Variants in DIDO1 observed in about 807,000 individuals in gnomAD.
DIDO1 encodes death-inducer obliterator 1.
In DIDO1, 16 loss-of-function variants were observed where a neutral mutation model predicts 99.4. The observed-to-expected ratio is 0.16, with a 90% CI of 0.11 to 0.24. DIDO1 has a LOEUF of 0.24. DIDO1 is among the 10% of genes least tolerant of loss of function. The pLI is 1.00. For missense variants in DIDO1, 2,996 were observed against 3,014.0 expected (o/e 0.99, Z 0.14); for synonymous variants, 1,366 against 1,239.1 (o/e 1.10, Z -2.15).
At position 62,879,504 on chromosome 20, in the gene DIDO1, C is replaced by A. The variant is rs747670985; in HGVS notation, c.6452G>T (p.Arg2151Leu). The change falls in exon 16 of 16, where the codon CGG becomes CTG. Residue 2151 changes from arginine (R) to leucine (L), a missense_variant. Around this residue, in one of 5 missense-constraint regions of DIDO1, gnomAD observed 1,562 missense variants for 1,412.6 expected, o/e 1.11. Transcript: ENST00000395343. This position sits in a 1 kb window ranked among gnomAD's most constrained non-coding sequence, Gnocchi z 6.3. The stretch of plus-strand genomic sequence containing the variant: ...TCGGTCGCGGTTGGCGCTCCTCTCC[C>A]GGTTTCTGTCCCAGTCCCGGCTGGA... ...KDSSRDWDRNRERSANRDRER... is the reference protein window; with the variant it reads ...KDSSRDWDRNLERSANRDRER... The A allele has an allele frequency of 6.3e-7, 1 of 1,597,178 alleles. No individual in the cohort carries two copies. Among genetic ancestry groups the A allele is most frequent in the Non-Finnish European group, 8.5e-7 (1 of 1,178,286 alleles).
intron 13 of DIDO1, 147 bp downstream of exon 13, chr20:62,892,662 T>C: frequency 8.6e-7 from 1 of 1,160,162 alleles, no homozygotes; most frequent in East Asian, 2.6e-5. Flanking sequence ...GAGCCGTTTC[T>C]GCATCCAGAC....
Position 62,880,245 on chromosome 20 carries a change from C to T in DIDO1, c.5711G>A (p.Arg1904Gln), listed in dbSNP as rs1238641170. Residue 1904 changes from arginine (R) to glutamine (Q), a missense_variant, in exon 16 of 16, where the codon CGA (arginine) becomes CAA (glutamine). Arg to Gln is a conservative substitution (Grantham distance 43). This residue lies in a region of DIDO1 where 1,562 missense variants were observed against 1,412.6 expected (regional missense o/e 1.11). Coordinates refer to ENST00000395343, the MANE Select transcript of DIDO1 (RefSeq NM_001193369.2). ...AAACTGAGAGGGAGGGGGGCCGCCT[C>T]GGGGGCCTTTCAGCTGAGACAGCAG... ...RPLLSQLKGP[R>Q]GGPPPSQFGG... The T allele has an allele frequency of 6.2e-6, 10 of 1,612,408 alleles. No homozygotes were observed. The highest frequency in any genetic ancestry group is 7.6e-6 in the Non-Finnish European group (9 of 1,179,902).
At chr20:62,887,145 G>A (rs901063071) in intron 15 of DIDO1, 3 of 985,514 alleles carry the variant, frequency 3.0e-6, no homozygotes, top group Non-Finnish European at 3.6e-6. Context: ...CTTATGGAAA[G>A]CAAACAGGGG....
At chr20:62,931,770 T>C (rs564136076) in intron 1 of DIDO1, among the ~76,000 whole-genome samples, 3 of 152,260 alleles carry the variant, frequency 2.0e-5, no homozygotes, top group Non-Finnish European at 4.4e-5. Flanking sequence ...CTTGGGAGTA[T>C]GGGACCTTAG....
Position 62,881,956 on chromosome 20 carries a change from C to G in DIDO1, c.4000G>C (p.Glu1334Gln), listed in dbSNP as rs1020283850. Residue 1334 changes from glutamate (E) to glutamine (Q), a missense_variant, in exon 16 of 16, where the codon GAG (glutamate) becomes CAG (glutamine). Transcript: ENST00000395343. This position sits in a 1 kb window ranked among gnomAD's most constrained non-coding sequence, Gnocchi z 8.3. ...AGACCTGCGGTGGACCCGGGAGGCT[C>G]TCTGGCGGACGGGTCGAATGATTTC... ...KKKSFDPSAR[E>Q]PPGSTAGLPQ... The G allele has an allele frequency of 4.8e-5, 77 of 1,613,292 alleles. No homozygotes were observed. Among genetic ancestry groups the G allele is most frequent in the Non-Finnish European group, 6.1e-5 (72 of 1,180,036 alleles).
At chr20:62,887,281 C>A (rs918767638) in intron 15 of DIDO1, 21 of 985,342 alleles carry the variant, frequency 2.1e-5, no homozygotes, top group Non-Finnish European at 2.0e-5. Context: ...CTGTATTTGA[C>A]TCTGATTACA....
At chr20:62,906,547 GC>G (rs2064809067) in intron 5 of DIDO1, among the ~76,000 whole-genome samples, 1 of 152,218 alleles carries the variant, frequency 6.6e-6, no homozygotes, top group Non-Finnish European at 1.5e-5. Context: ...TCATTCAAAG[GC>G]TAAATAATCA....
intron 13 of DIDO1, 71 bp from the exon 14 acceptor site, chr20:62,892,147 G>A (rs2147391820): frequency 1.5e-6 from 2 of 1,294,834 alleles, no homozygotes; most frequent in South Asian, 1.3e-5. Flanking sequence ...GCAGCCATGT[G>A]AAGGCACACA....
At chr20:62,920,018 A>T (rs1427706560) in intron 1 of DIDO1, among the ~76,000 whole-genome samples, 2 of 152,242 alleles carry the variant, frequency 1.3e-5, no homozygotes, top group African/African-American at 2.4e-5. Flanking sequence ...AGTAAAAAAG[A>T]AAGTATGGTT....
intron 6 of DIDO1, among the ~76,000 whole-genome samples, chr20:62,897,619 G>A (rs563327644): frequency 3.9e-5 from 6 of 152,182 alleles, no homozygotes; most frequent in African/African-American, 7.2e-5. Context: ...ACAGGAATGC[G>A]TCCATTCACA....
At chr20:62,917,932 C>T (rs1315497377) in intron 1 of DIDO1, among the ~76,000 whole-genome samples, 5 of 152,194 alleles carry the variant, frequency 3.3e-5, no homozygotes, top group African/African-American at 1.2e-4. Context: ...ACTTCCCCCT[C>T]AGGAGTCCAT....
Position 62,902,711 on chromosome 20 carries a change from G to C in DIDO1, c.1588+3176C>G, listed in dbSNP as rs189173779. Among the ~76,000 whole-genome samples the C allele has an allele frequency of 5.6e-4, 85 of 152,300 alleles. 1 individual carries two copies. In the East Asian group the frequency reaches 0.013, roughly 24 times the overall value. ...AGGGCCATCTCTGTGGCAGCACGTGGGAACAAGAGGCAGTGCTTCCACCTG... is the reference window on the plus strand; with the variant it reads ...AGGGCCATCTCTGTGGCAGCACGTGCGAACAAGAGGCAGTGCTTCCACCTG... On this transcript the variant is annotated intron_variant, in intron 6 of 15. Coordinates refer to ENST00000395343, the MANE Select transcript of DIDO1 (RefSeq NM_001193369.2).
At chr20:62,904,807 A>AAAAAAAAAAAAAAAAAAT (rs1568859998) in intron 6 of DIDO1, among the ~76,000 whole-genome samples, 1 of 141,704 alleles carries the variant, frequency 7.1e-6, no homozygotes, top group South Asian at 2.3e-4. Flanking sequence ...AAAAAAAAAA[A>AAAAAAAAAAAAAAAAAAT]GTGTCTTTTT....
chr20:62,885,909 A>T (rs2064289691), intron 15 of DIDO1, among the ~76,000 whole-genome samples: 1 of 152,184 alleles, frequency 6.6e-6, no homozygotes, highest in South Asian at 2.1e-4. Context: ...CAGACCAGTA[A>T]GGTCGAAAGG....
intron 15 of DIDO1, chr20:62,887,942 G>T: frequency 1.2e-5 from 12 of 985,484 alleles, no homozygotes; most frequent in Non-Finnish European, 1.4e-5. Flanking sequence ...AAGACAACCC[G>T]GTGTTTCTGT....
chr20:62,879,872 C>A lies in DIDO1; in HGVS notation c.6084G>T (p.Glu2028Asp). The change falls in exon 16 of 16, where the codon GAG becomes GAT. Residue 2028 changes from glutamate (E) to aspartate (D), a missense_variant. Transcript: ENST00000395343. This position sits in a 1 kb window ranked among gnomAD's most constrained non-coding sequence, Gnocchi z 6.3. The part of the protein sequence containing the change: ...VMKPGPRPLL[E>D]LPSHPPQHRK... ...GGTGCTGCGGGGGGTGGCTGGGAAGCTCCAGCAGGGGCCTGGGGCCCGGCT... is the reference window on the plus strand; with the variant it reads ...GGTGCTGCGGGGGGTGGCTGGGAAGATCCAGCAGGGGCCTGGGGCCCGGCT... The A allele has an allele frequency of 6.3e-7, 1 of 1,592,094 alleles. No homozygotes were observed. The highest frequency in any genetic ancestry group is 8.5e-7 in the Non-Finnish European group (1 of 1,170,742).
chr20:62,900,319 A>G (rs970263132), intron 6 of DIDO1, among the ~76,000 whole-genome samples: 5 of 152,238 alleles, frequency 3.3e-5, no homozygotes, highest in African/African-American at 7.2e-5. Context: ...CCAACTGCAG[A>G]ATGAAGCAGG....
At chr20:62,904,377 T>C (rs919525611) in intron 6 of DIDO1, among the ~76,000 whole-genome samples, 24 of 152,186 alleles carry the variant, frequency 1.6e-4, no homozygotes, top group Non-Finnish European at 2.2e-4. Flanking sequence ...AATGCAGCAA[T>C]TGCATGATTC....
rs538195331 is a variant in DIDO1, at chr20:62,911,592, C to T, written c.21G>A (p.Pro7=). Residue 7 remains proline (P), a synonymous_variant, in exon 3 of 16, where the codon CCG becomes CCA. Transcript: ENST00000395343. The surrounding 1 kb of genome is among the most constrained non-coding windows in gnomAD (Gnocchi z 7.0). Reference sequence around the variant, plus strand: ...TGGCCTTAGGTGCCTCCTCATTGCTCGGGTCGCCTTTGTCGTCCATACCTA... The same window carrying T: ...TGGCCTTAGGTGCCTCCTCATTGCTTGGGTCGCCTTTGTCGTCCATACCTA... The part of the protein sequence containing the change: MDDKGD[P]SNEEAPKAIK... The T allele has an allele frequency of 7.6e-6, 12 of 1,587,316 alleles. No homozygotes were observed. Among genetic ancestry groups the T allele is most frequent in the South Asian group, 3.4e-5 (3 of 87,204 alleles).
Sources: gnomAD v4.1 joint callset for allele counts (sites outside exome capture counted in the v4.1 genomes callset) on GRCh38, gnomAD v4.1.1 for gene constraint, gnomAD v4.1.1 regional missense constraint, Gnocchi (gnomAD v3.1) non-coding constraint, MANE v1.5 for transcripts, NCBI Gene and HGNC (gene_info 2026-07-23, HGNC 2026-07-21) for gene names.